Variants in AVEN observed in about 807,000 individuals in gnomAD.
AVEN encodes the protein cell death regulator Aven.
Under a neutral mutation model 38.1 loss-of-function variants are expected in AVEN, and 41 were observed. That is an observed-to-expected ratio of 1.08 (90% CI 0.84 to 1.40). The LOEUF (loss-of-function observed/expected upper bound fraction) is 1.40, where lower values mean the gene tolerates loss of function less well. Among genes scored for constraint, AVEN ranks in the 40% most tolerant of loss-of-function variants. The pLI, the probability that AVEN is intolerant of heterozygous loss-of-function variation, is 0.00. For missense variants in AVEN, 605 were observed against 438.8 expected (o/e 1.38, Z -3.38); for synonymous variants, 206 against 171.8 (o/e 1.20, Z -1.56).
chr15:33,930,628 A>G (rs1289542465), intron 2 of AVEN, among the ~76,000 whole-genome samples: 1 of 152,220 alleles, frequency 6.6e-6, no homozygotes, highest in African/African-American at 2.4e-5. Context: ...TATCATGTTC[A>G]ATATGAAATT....
intron 2 of AVEN, among the ~76,000 whole-genome samples, chr15:33,935,618 T>A (rs1011837266): frequency 6.6e-6 from 1 of 152,178 alleles, no homozygotes; most frequent in Non-Finnish European, 1.5e-5. Flanking sequence ...ATTTCATTAG[T>A]CTACTTTCTT....
chr15:33,961,657 C>T (rs1319612388), intron 2 of AVEN, among the ~76,000 whole-genome samples: 7 of 151,200 alleles, frequency 4.6e-5, no homozygotes, highest in Non-Finnish European at 1.0e-4. Context: ...ACTAAAAACA[C>T]AAAAAATTAG....
At chr15:33,985,691 C>T (rs1009288018) in intron 2 of AVEN, among the ~76,000 whole-genome samples, 1 of 152,050 alleles carries the variant, frequency 6.6e-6, no homozygotes, top group African/African-American at 2.4e-5. Flanking sequence ...GCATGATACA[C>T]CTGATTCCTT....
In AVEN at chr15:33,938,412, G is replaced by A. The variant is rs1193740114; in HGVS notation, c.446-62417C>T. Reference sequence around the variant, plus strand: ...GGAGCTTGCAGTGAGCCGAGATCGCGCCACTGCACTCCAGCCTGGGTGACA... The same window carrying A: ...GGAGCTTGCAGTGAGCCGAGATCGCACCACTGCACTCCAGCCTGGGTGACA... On this transcript the variant is annotated intron_variant, in intron 2 of 5. Transcript: ENST00000306730. Among the ~76,000 whole-genome samples the A allele has an allele frequency of 5.3e-5, 8 of 152,016 alleles. No individual in the cohort carries two copies. The East Asian group carries it at 7.7e-4, about 15-fold the overall frequency.
intron 3 of AVEN, among the ~76,000 whole-genome samples, chr15:33,875,095 G>A (rs945136678): frequency 4.6e-5 from 7 of 152,104 alleles, no homozygotes; most frequent in African/African-American, 1.4e-4. Context: ...CCAAACAATT[G>A]AGCCTAAAAC....
At chr15:33,869,825 C>CTTT (rs377321444) in intron 4 of AVEN, among the ~76,000 whole-genome samples, 2 of 142,170 alleles carry the variant, frequency 1.4e-5, no homozygotes, top group Non-Finnish European at 3.1e-5. Context: ...CAAGGTTTCA[C>CTTT]TTTTTTTTTT....
intron 11 of AVEN, chr15:33,861,194 TAACAA>T: frequency 6.5e-7 from 1 of 1,549,074 alleles, no homozygotes; most frequent in Non-Finnish European, 8.8e-7. Context: ...TATTCTTGGT[TAACAA>T]AAGTAATGGC....
intron 2 of AVEN, among the ~76,000 whole-genome samples, chr15:33,961,341 G>A (rs1895152582): frequency 6.6e-6 from 1 of 152,108 alleles, no homozygotes; most frequent in South Asian, 2.1e-4. Flanking sequence ...TTATGCATAA[G>A]AATTTCTCTT....
At chr15:33,940,354 T>C (rs1476630064) in intron 2 of AVEN, among the ~76,000 whole-genome samples, 1 of 152,178 alleles carries the variant, frequency 6.6e-6, no homozygotes, top group Non-Finnish European at 1.5e-5. Flanking sequence ...CTTTTTCCTC[T>C]TCTCAACCTT....
chr15:33,867,045 T>C (rs1040257269), intron 5 of AVEN, among the ~76,000 whole-genome samples: 1 of 152,186 alleles, frequency 6.6e-6, no homozygotes, highest in South Asian at 2.1e-4. Flanking sequence ...GCAATCACCT[T>C]AGGCCCCTCT....
At chr15:33,945,294 G>A (rs1364474473) in intron 2 of AVEN, among the ~76,000 whole-genome samples, 4 of 152,140 alleles carry the variant, frequency 2.6e-5, no homozygotes, top group Non-Finnish European at 1.5e-5. Flanking sequence ...AAGAGAATCT[G>A]GTAAAATGGG....
In AVEN at chr15:34,063,571, C is replaced by T. The variant is rs757339104; in HGVS notation, n.1127-139G>A. On this transcript the variant is annotated intron_variant and non_coding_transcript_variant, in intron 4 of 11. Transcript: ENST00000675287. The surrounding 1 kb of genome is among the most constrained non-coding windows in gnomAD (Gnocchi z 4.1). ...AGCACCTCCACCACTGGGAAGCCATCCCAAGCCACTGGCCCAAGCGCCAAT... is the reference window on the plus strand; with the variant it reads ...AGCACCTCCACCACTGGGAAGCCATTCCAAGCCACTGGCCCAAGCGCCAAT... 12 of 1,613,732 alleles carry T rather than the reference C, an allele frequency of 7.4e-6. No homozygotes were observed. The Admixed American group carries it at 1.8e-4, about 25-fold the overall frequency.
chr15:33,853,826 G>T, downstream of AVEN: 1 of 996,718 alleles, frequency 1.0e-6, no homozygotes, highest in Admixed American at 2.9e-5. Context: ...AACACTGGGA[G>T]AGCACTGCCT....
downstream of AVEN, chr15:33,855,094 A>C: frequency 2.1e-6 from 1 of 486,400 alleles, no homozygotes; most frequent in Non-Finnish European, 3.4e-6. Context: ...TAAAAATGTA[A>C]CTGCAACCAT....
chr15:34,039,973 T>G (rs767455400), upstream of AVEN, among the ~76,000 whole-genome samples: 1 of 152,192 alleles, frequency 6.6e-6, no homozygotes, highest in Non-Finnish European at 1.5e-5. Flanking sequence ...TGAAAGCAGT[T>G]TTTAACTTGG....
At chr15:34,025,757 CGTGT>C (rs150188349) in intron 1 of AVEN, among the ~76,000 whole-genome samples, 8 of 133,062 alleles carry the variant, frequency 6.0e-5, no homozygotes, top group South Asian at 2.3e-4. Context: ...TTTGGTTTTG[CGTGT>C]GTGTGTGTGT....
At chr15:33,862,102 C>A (rs1398779565), downstream of AVEN, among the ~76,000 whole-genome samples, 1 of 152,140 alleles carries the variant, frequency 6.6e-6, no homozygotes, top group Non-Finnish European at 1.5e-5. Flanking sequence ...ATTTTATTAC[C>A]TGATAACTCA....
chr15:33,870,604 G>A (rs1053425700), intron 4 of AVEN, among the ~76,000 whole-genome samples: 4 of 152,180 alleles, frequency 2.6e-5, no homozygotes, highest in African/African-American at 7.2e-5. Flanking sequence ...AGGCAGGAAC[G>A]ACATCTGTCT....
intron 2 of AVEN, among the ~76,000 whole-genome samples, chr15:33,940,532 G>A (rs572509289): frequency 6.6e-6 from 1 of 152,052 alleles, no homozygotes; most frequent in African/African-American, 2.4e-5. Flanking sequence ...AAATGTCTTT[G>A]CAAGATGTGA....
Sources: allele counts gnomAD v4.1 joint callset (sites outside exome capture counted in the v4.1 genomes callset), GRCh38; gene constraint gnomAD v4.1.1; non-coding constraint Gnocchi (gnomAD v3.1); transcripts MANE v1.5; gene names NCBI Gene and HGNC (gene_info 2026-07-23, HGNC 2026-07-21).